Variants in PLXNA4 observed in about 807,000 individuals in gnomAD.
The protein encoded by PLXNA4 is plexin-A4.
PLXNA4 carries 44 observed loss-of-function variants against 191.8 expected under a neutral mutation model. That is an observed-to-expected ratio of 0.23 (90% CI 0.18 to 0.29). The LOEUF (loss-of-function observed/expected upper bound fraction) is 0.29. Ranked by LOEUF, PLXNA4 falls within the 10% of genes least tolerant of loss-of-function variation. The pLI, the probability that PLXNA4 is intolerant of heterozygous loss-of-function variation, is 1.00. For synonymous variants in PLXNA4, 1,082 were observed against 1,009.5 expected (o/e 1.07, Z -1.36); for missense variants, 1,800 against 2,488.8 (o/e 0.72, Z 5.89).
At chr7:132,366,355 C>T (rs1804185298) in intron 3 of PLXNA4, among the ~76,000 whole-genome samples, 1 of 152,084 alleles carries the variant, frequency 6.6e-6, no homozygotes, top group Non-Finnish European at 1.5e-5. Flanking sequence ...GAAACCCCAT[C>T]TCTACTAAAA....
Position 132,127,234 on chromosome 7 carries a change from A to AGTT in PLXNA4, c.*3242_*3244dup, listed in dbSNP as rs888837810. Reference sequence around the variant, plus strand: ...ATTTTCCCTGGGAGGGTACGGGATAAGTTGGAGGGGAAGGTAAGGAAGATG... The same window carrying AGTT: ...ATTTTCCCTGGGAGGGTACGGGATAAGTTGTTGGAGGGGAAGGTAAGGAAGATG... On this transcript the variant is annotated 3_prime_UTR_variant, in exon 32 of 32. Transcript: ENST00000321063. 2 of 152,148 alleles carry AGTT rather than the reference A, an allele frequency of 1.3e-5. No homozygotes were observed. The highest frequency in any genetic ancestry group is 4.8e-5 in the African/African-American group (2 of 41,412). The allele number at this position is 152,148 out of a possible 1,614,324, so 9.4% of individuals were successfully genotyped here. A position where few individuals can be genotyped will look rare whatever the true frequency, so the allele number is the denominator to read the frequency against.
intron 4 of PLXNA4, among the ~76,000 whole-genome samples, chr7:132,283,437 C>A (rs1313713727): frequency 6.6e-6 from 1 of 152,190 alleles, no homozygotes; most frequent in Non-Finnish European, 1.5e-5. Flanking sequence ...AGATACGATC[C>A]TGGGCATTTG....
intron 1 of PLXNA4, among the ~76,000 whole-genome samples, chr7:132,563,495 T>TCTCCTCCTCCTCCTCCTCCTC (rs1305050307): frequency 4.5e-5 from 1 of 22,072 alleles, no homozygotes. Flanking sequence ...TCCTCCTCCT[T>TCTCCTCCTCCTCCTCCTCCTC]CTCCTCCTCC....
At chr7:132,357,311 C>T (rs1359049621) in intron 3 of PLXNA4, among the ~76,000 whole-genome samples, 1 of 152,188 alleles carries the variant, frequency 6.6e-6, no homozygotes, top group Non-Finnish European at 1.5e-5. Context: ...CTGTGCCCTG[C>T]ATTTCACATG....
At chr7:132,144,565 G>C (rs1282410229) in intron 29 of PLXNA4, among the ~76,000 whole-genome samples, 4 of 152,222 alleles carry the variant, frequency 2.6e-5, no homozygotes, top group African/African-American at 9.6e-5. Context: ...AATGCCCTTT[G>C]TTCACCTGGC....
At chr7:132,607,539 T>G (rs927757120) in intron 2 of PLXNA4, among the ~76,000 whole-genome samples, 7 of 152,170 alleles carry the variant, frequency 4.6e-5, no homozygotes, top group Non-Finnish European at 1.0e-4. Context: ...GGATTGGAGT[T>G]TTATCTACCT....
intron 3 of PLXNA4, among the ~76,000 whole-genome samples, chr7:132,480,657 A>G (rs1442371978): frequency 6.6e-6 from 1 of 152,144 alleles, no homozygotes; most frequent in Non-Finnish European, 1.5e-5. Context: ...ACCAAGACAA[A>G]GATGGGCCCA....
At chr7:132,325,433 G>A (rs1439388371) in intron 3 of PLXNA4, among the ~76,000 whole-genome samples, 1 of 152,184 alleles carries the variant, frequency 6.6e-6, no homozygotes, top group Non-Finnish European at 1.5e-5. Flanking sequence ...TAGATATGCT[G>A]AGATCCTAAG....
chr7:132,540,876 C>T (rs935852409), intron 1 of PLXNA4, among the ~76,000 whole-genome samples: 2 of 152,014 alleles, frequency 1.3e-5, no homozygotes, highest in African/African-American at 2.4e-5. Context: ...CGTGAGCCAC[C>T]GCGCCCGGCC....
intron 3 of PLXNA4, among the ~76,000 whole-genome samples, chr7:132,398,761 G>A (rs896053846): frequency 1.2e-4 from 19 of 152,204 alleles, no homozygotes; most frequent in African/African-American, 3.9e-4. Context: ...GACAGATGCC[G>A]ACCTAATGAG....
chr7:132,613,799 T>G (rs1279699752), intron 2 of PLXNA4, among the ~76,000 whole-genome samples: 1 of 152,192 alleles, frequency 6.6e-6, no homozygotes, highest in Non-Finnish European at 1.5e-5. Flanking sequence ...TAAAATATAT[T>G]TTAATAATTA....
chr7:132,648,034 C>T (rs1803915728), intron 1 of PLXNA4, among the ~76,000 whole-genome samples: 1 of 151,972 alleles, frequency 6.6e-6, no homozygotes, highest in African/African-American at 2.4e-5. Context: ...CACACACACA[C>T]AGTCATATAT....
chr7:132,502,308 C>T (rs983188769), intron 2 of PLXNA4, among the ~76,000 whole-genome samples: 8 of 152,142 alleles, frequency 5.3e-5, no homozygotes, highest in African/African-American at 1.9e-4. Flanking sequence ...GGAAGGGGAC[C>T]TCCATCGCCA....
At position 132,334,208 on chromosome 7, in the gene PLXNA4, T is replaced by C. The variant is rs142895294; in HGVS notation, c.1372-35986A>G. Among the ~76,000 whole-genome samples the C allele has an allele frequency of 3.4e-3, 510 of 151,754 alleles. 2 individuals carry two copies. Among genetic ancestry groups the C allele is most frequent in the African/African-American group, 0.012 (496 of 41,400 alleles). ...ATATTCAAACAGAGGTGTCTCCTGG[T>C]GCTTTATAAGATTTCAGATTTCTTT... On this transcript the variant is annotated intron_variant, in intron 3 of 31. Transcript: ENST00000321063.
At chr7:132,284,797 C>G (rs1800622811) in intron 4 of PLXNA4, among the ~76,000 whole-genome samples, 1 of 152,138 alleles carries the variant, frequency 6.6e-6, no homozygotes, top group South Asian at 2.1e-4. Flanking sequence ...TTTCTGAAAC[C>G]TCCCCCTTCC....
At chr7:132,451,621 G>A (rs928460914) in intron 3 of PLXNA4, among the ~76,000 whole-genome samples, 1 of 152,198 alleles carries the variant, frequency 6.6e-6, no homozygotes, top group Non-Finnish European at 1.5e-5. Context: ...CCTGCCTGAT[G>A]GGCCCAGTGG....
intron 3 of PLXNA4, among the ~76,000 whole-genome samples, chr7:132,472,495 A>G (rs970961778): frequency 2.6e-5 from 4 of 152,224 alleles, no homozygotes; most frequent in Non-Finnish European, 4.4e-5. Context: ...AGAATTTCAG[A>G]GGAAGAAGGA....
chr7:132,642,612 A>C (rs996410843), intron 2 of PLXNA4, among the ~76,000 whole-genome samples: 4 of 152,172 alleles, frequency 2.6e-5, no homozygotes, highest in Non-Finnish European at 5.9e-5. Flanking sequence ...CACAGAGCAG[A>C]GATACAGGCA....
At chr7:132,291,369 C>G (rs924738600) in intron 4 of PLXNA4, among the ~76,000 whole-genome samples, 6 of 152,178 alleles carry the variant, frequency 3.9e-5, no homozygotes, top group African/African-American at 1.4e-4. Context: ...ATTTTTCACT[C>G]TGTTCACTAT....
Sources: gnomAD v4.1 joint callset for allele counts (sites outside exome capture counted in the v4.1 genomes callset) on GRCh38, gnomAD v4.1.1 for gene constraint, MANE v1.5 for transcripts, NCBI Gene and HGNC (gene_info 2026-07-23, HGNC 2026-07-21) for gene names.